Variants in ACOXL observed in about 807,000 individuals in gnomAD.
ACOXL encodes the protein acyl-CoA oxidase like.
In ACOXL, 70 loss-of-function variants were observed where a neutral mutation model predicts 71.9. The observed-to-expected ratio is 0.97, with a 90% CI of 0.80 to 1.19. The LOEUF (loss-of-function observed/expected upper bound fraction) is 1.19, where lower values mean the gene tolerates loss of function less well. Among genes scored for constraint, ACOXL ranks in the 50% most tolerant of loss-of-function variants. The pLI, the probability that ACOXL is intolerant of heterozygous loss-of-function variation, is 0.00. For synonymous variants in ACOXL, 253 were observed against 281.6 expected (o/e 0.90, Z 1.02); for missense variants, 703 against 736.3 (o/e 0.95, Z 0.52).
At chr2:111,009,180 C>G (rs560245556) in intron 14 of ACOXL, among the ~76,000 whole-genome samples, 1 of 152,220 alleles carries the variant, frequency 6.6e-6, no homozygotes, top group South Asian at 2.1e-4. Flanking sequence ...AAGATAAACT[C>G]ATTTCATGAA....
chr2:110,755,187 T>C (rs1214530040), intron 1 of ACOXL, among the ~76,000 whole-genome samples: 1 of 151,946 alleles, frequency 6.6e-6, no homozygotes, highest in East Asian at 1.9e-4. Context: ...CCTCATCACA[T>C]CTCCAACAGC....
intron 12 of ACOXL, among the ~76,000 whole-genome samples, chr2:110,946,701 C>G (rs1323574247): frequency 2.0e-5 from 3 of 152,194 alleles, no homozygotes; most frequent in Non-Finnish European, 4.4e-5. Context: ...GTCCTCACTT[C>G]CCAAGCCTCA....
chr2:111,026,309 G>A (rs2065014436), intron 14 of ACOXL, among the ~76,000 whole-genome samples: 1 of 151,968 alleles, frequency 6.6e-6, no homozygotes, highest in African/African-American at 2.4e-5. Flanking sequence ...CACAAAATAA[G>A]GTCTGCTGGC....
At chr2:110,852,013 C>G (rs879655470) in intron 10 of ACOXL, among the ~76,000 whole-genome samples, 13 of 152,194 alleles carry the variant, frequency 8.5e-5, no homozygotes, top group African/African-American at 1.2e-4. Context: ...CAGCATATTT[C>G]CTGGATTACT....
intron 15 of ACOXL, among the ~76,000 whole-genome samples, chr2:111,041,950 T>C (rs2065806146): frequency 6.6e-6 from 1 of 152,212 alleles, no homozygotes; most frequent in South Asian, 2.1e-4. Context: ...GATGAATGTC[T>C]CGGGTTTGCA....
intron 11 of ACOXL, among the ~76,000 whole-genome samples, chr2:110,927,932 T>C (rs566629529): frequency 6.6e-6 from 1 of 152,312 alleles, no homozygotes; most frequent in Non-Finnish European, 1.5e-5. Flanking sequence ...TGGAATCATC[T>C]AGTGGGATTT....
intron 16 of ACOXL, among the ~76,000 whole-genome samples, chr2:111,078,708 A>G (rs1038815507): frequency 6.6e-6 from 1 of 152,224 alleles, no homozygotes; most frequent in Non-Finnish European, 1.5e-5. Context: ...TGCTGTTGGC[A>G]TCCGTTGATT....
intron 12 of ACOXL, among the ~76,000 whole-genome samples, chr2:110,967,581 A>G (rs895588405): frequency 1.3e-5 from 2 of 152,262 alleles, no homozygotes; most frequent in African/African-American, 2.4e-5. Context: ...GATGAGATAT[A>G]TTACAAATTT....
At chr2:110,853,933 T>A (rs1692931064) in intron 10 of ACOXL, among the ~76,000 whole-genome samples, 1 of 152,050 alleles carries the variant, frequency 6.6e-6, no homozygotes, top group Admixed American at 6.5e-5. Context: ...TTTTTTTAAT[T>A]TCAATTGAAT....
rs1436749555 is a variant in ACOXL at position 110,805,212 on chromosome 2, G to A, written c.621-51G>A. The A allele has an allele frequency of 2.5e-6, 4 of 1,603,874 alleles. No individual in the cohort carries two copies. In the East Asian group the frequency reaches 8.9e-5, roughly 36 times the overall value. ...ATGGGAGCCACCTGACTTCGTTTCT[G>A]GTGGTGCTATGTCCTGCTTTTTTGT... is the stretch of plus-strand genomic sequence containing the variant. On this transcript the variant is annotated intron_variant, in intron 8 of 17. Transcript: ENST00000439055.
At chr2:110,876,717 G>C (rs1378090119) in intron 10 of ACOXL, among the ~76,000 whole-genome samples, 2 of 152,284 alleles carry the variant, frequency 1.3e-5, no homozygotes, top group South Asian at 2.1e-4. Flanking sequence ...GCACAGACGG[G>C]TCGGAATCAA....
At chr2:110,979,398 G>A (rs2062604033) in intron 12 of ACOXL, among the ~76,000 whole-genome samples, 1 of 152,156 alleles carries the variant, frequency 6.6e-6, no homozygotes, top group Non-Finnish European at 1.5e-5. Flanking sequence ...AAGACAGCAC[G>A]AGGGAAAACC....
At chr2:111,047,761 A>C (rs866540860) in intron 15 of ACOXL, among the ~76,000 whole-genome samples, 35 of 152,350 alleles carry the variant, frequency 2.3e-4, no homozygotes, top group African/African-American at 7.9e-4. Flanking sequence ...TGTAATTAAC[A>C]CTGGTTTCTG....
intron 12 of ACOXL, among the ~76,000 whole-genome samples, chr2:110,945,309 A>G (rs1411764381): frequency 6.7e-6 from 1 of 148,816 alleles, no homozygotes; most frequent in Non-Finnish European, 1.5e-5. Flanking sequence ...CTCTGTTGAT[A>G]GTTTCTTTTG....
intron 16 of ACOXL, among the ~76,000 whole-genome samples, chr2:111,052,334 A>G (rs767366733): frequency 1.3e-4 from 20 of 152,292 alleles, no homozygotes; most frequent in Middle Eastern, 3.4e-3. Context: ...GTGTGACTGC[A>G]GTGGAACCAT....
intron 17 of ACOXL, among the ~76,000 whole-genome samples, chr2:111,102,496 A>C (rs906185827): frequency 6.6e-6 from 1 of 152,180 alleles, no homozygotes; most frequent in African/African-American, 2.4e-5. Context: ...TGGCAGCTGC[A>C]TTGTCCTGGT....
intron 12 of ACOXL, among the ~76,000 whole-genome samples, chr2:110,956,286 G>A (rs1305985708): frequency 6.6e-6 from 1 of 152,148 alleles, no homozygotes; most frequent in Non-Finnish European, 1.5e-5. Context: ...GGCCATGGCT[G>A]TAGTTCACTA....
intron 9 of ACOXL, among the ~76,000 whole-genome samples, chr2:110,817,797 T>G (rs1688085428): frequency 6.6e-6 from 1 of 152,168 alleles, no homozygotes; most frequent in South Asian, 2.1e-4. Flanking sequence ...ATATCTCATT[T>G]CTTTGTCTAA....
intron 14 of ACOXL, among the ~76,000 whole-genome samples, chr2:111,030,183 A>G (rs2065200489): frequency 6.6e-6 from 1 of 152,110 alleles, no homozygotes; most frequent in South Asian, 2.1e-4. Context: ...ATTAACTGGG[A>G]TTTCCTGGTG....
Sources: allele counts gnomAD v4.1 joint callset (sites outside exome capture counted in the v4.1 genomes callset), GRCh38; gene constraint gnomAD v4.1.1; transcripts MANE v1.5; gene names NCBI Gene and HGNC (gene_info 2026-07-23, HGNC 2026-07-21).